INTS11: variants seen among roughly 807,000 people sequenced by gnomAD.
INTS11 encodes integrator complex subunit 11, also known as CPSF3-like protein.
Under a neutral mutation model 78.6 loss-of-function variants are expected in INTS11, and 77 were observed. That is an observed-to-expected ratio of 0.98 (90% CI 0.81 to 1.18). The LOEUF (loss-of-function observed/expected upper bound fraction) is 1.18. Among genes scored for constraint, INTS11 ranks in the 50% most tolerant of loss-of-function variants. The probability of loss-of-function intolerance (pLI) is 0.00; values close to 1 mark genes in which losing one functional copy is unlikely to be tolerated. For synonymous variants in INTS11, 441 were observed against 326.9 expected (o/e 1.35, Z -3.77); for missense variants, 875 against 825.9 (o/e 1.06, Z -0.73).
At chr1:1,324,452 G>A in intron 1 of INTS11, 129 bp downstream of exon 1, 1 of 937,704 alleles carries the variant, frequency 1.1e-6, no homozygotes, top group Non-Finnish European at 1.6e-6. Flanking sequence ...GGCCCGCGCG[G>A]GGAGGAGACC....
At position 1,314,232 on chromosome 1, in the gene INTS11, T is replaced by G; in HGVS notation, c.767+69A>C. On this transcript the variant is annotated intron_variant, in intron 8 of 16. Transcript: ENST00000435064. The surrounding 1 kb of genome is among the most constrained non-coding windows in gnomAD (Gnocchi z 4.2). The stretch of plus-strand genomic sequence containing the variant: ...ATGCCACCGCTACGCTGGACAGGGC[T>G]GCCCACCAACTGGACTGTGTTCAGG... 1 of 1,404,262 alleles carries G rather than the reference T, an allele frequency of 7.1e-7. No individual in the cohort carries two copies. The highest frequency in any genetic ancestry group is 2.0e-5 in the Admixed American group (1 of 50,934). The allele number at this position is 1,404,262 out of a possible 1,614,324, so 87.0% of individuals were successfully genotyped here.
rs750487487 is a variant in INTS11 at position 1,315,521 on chromosome 1, G to A, written c.527C>T (p.Thr176Met). 9.3e-6 allele frequency: 15 copies of A among 1,612,426 alleles called. No individual in the cohort carries two copies. Among genetic ancestry groups the A allele is most frequent in the South Asian group, 4.4e-5 (4 of 91,008 alleles). Residue 176 changes from threonine (T) to methionine (M), a missense_variant and splice_region_variant, in exon 5 of 17, where the codon ACG (threonine) becomes ATG (methionine). By Grantham distance (81) the Thr-to-Met change is moderately conservative. Transcript: ENST00000435064. ...IKVGSESVVY[T>M]GDYNMTPDRH... is the part of the protein sequence containing the mutation. ...CAAGCCTCAAGCCCTTCCACTGACCGTGTAGACCACAGACTCTGAGCCCAC... is the reference window on the plus strand; with the variant it reads ...CAAGCCTCAAGCCCTTCCACTGACCATGTAGACCACAGACTCTGAGCCCAC...
At position 1,312,374 on chromosome 1, in the gene INTS11, G is replaced by A. The variant is rs746469870; in HGVS notation, c.1465-6C>T. 1.3e-6 allele frequency: 2 copies of A among 1,567,276 alleles called. No individual in the cohort carries two copies. The highest frequency in any genetic ancestry group is 1.9e-5 in the Admixed American group (1 of 53,392). On this transcript the variant is annotated splice_region_variant and splice_polypyrimidine_tract_variant and intron_variant, in intron 14 of 16. Transcript: ENST00000435064. ...GAGGACACCAGCCGGAAGTTCTGTG[G>A]GGCAGGGACAGGTCAGTGAGCGCAG...
intron 2 of INTS11, 42 bp downstream of exon 2, chr1:1,320,953 GC>G (rs1159840079): frequency 6.5e-7 from 1 of 1,550,072 alleles, no homozygotes; most frequent in East Asian, 2.2e-5. Context: ...GCTGTGGATG[GC>G]CGGCTCTCCC....
intron 4 of INTS11, chr1:1,316,526 CAGTGAGCTGAGATTGT>C (rs1642619261): frequency 6.6e-6 from 1 of 152,158 alleles, no homozygotes; most frequent in Non-Finnish European, 1.5e-5. Context: ...GCGGAGATTG[CAGTGAGCTGAGATTGT>C]GCCATTGCAC....
chr1:1,313,840 G>A lies in INTS11; in HGVS notation c.849C>T (p.Ile283=). The change falls in exon 9 of 17, where the codon ATC becomes ATT. Residue 283 remains isoleucine (I), a synonymous_variant. Transcript: ENST00000435064. The part of the protein sequence containing the change: ...EKANHYYKLF[I]PWTNQKIRKT... ...TGCGGATCTTCTGGTTGGTCCAGGG[G>A]ATGAACAGCTTGTAGTAGTGGTTGG... The A allele has an allele frequency of 1.2e-6, 2 of 1,613,516 alleles. No individual in the cohort carries two copies. Among genetic ancestry groups the A allele is most frequent in the Non-Finnish European group, 1.7e-6 (2 of 1,179,984 alleles).
At chr1:1,313,242 A>AG in intron 10 of INTS11, 118 bp from the exon 11 acceptor site, 1 of 1,213,028 alleles carries the variant, frequency 8.2e-7, no homozygotes, top group Admixed American at 2.0e-5. Flanking sequence ...GCGGCGCCCG[A>AG]CCAAGCCTAG....
At chr1:1,312,198 T>TTTGGGG in intron 15 of INTS11, 28 bp downstream of exon 15, 4 of 1,078,594 alleles carry the variant, frequency 3.7e-6, no homozygotes, top group Non-Finnish European at 5.0e-6. Flanking sequence ...CCCAAGGGAG[T>TTTGGGG]GGGGGGGGGG....
In INTS11 at chr1:1,312,290, C is replaced by T. The variant is rs747481892; in HGVS notation, c.1543G>A (p.Val515Met). The T allele has an allele frequency of 4.4e-5, 68 of 1,549,026 alleles. No individual in the cohort carries two copies. The highest frequency in any genetic ancestry group is 2.4e-4 in the East Asian group (10 of 41,232). Residue 515 changes from valine to methionine, a missense_variant, in exon 15 of 17, where the codon GTG (valine) becomes ATG (methionine). Transcript: ENST00000435064. ...AEHQLRFTCR[V>M]HLHDTRKEQE... ...TCCTTGCGTGTGTCATGCAGGTGCA[C>T]GCGGCAGGTGAAGCGCAGCTGGTGC...
rs1642459549 is a variant in INTS11 at position 1,314,576 on chromosome 1, C to T, written c.703-211G>A. ...GAGCCGCATGAGAGACAGAAGGGAG[C>T]TGCATGAGAGACAGAAGGAGCCTGG... On this transcript the variant is annotated intron_variant, in intron 7 of 16. Coordinates refer to ENST00000435064, the MANE Select transcript of INTS11 (RefSeq NM_017871.6). This position sits in a 1 kb window ranked among gnomAD's most constrained non-coding sequence, Gnocchi z 4.2. 3.2e-6 allele frequency: 2 copies of T among 629,778 alleles called. No homozygotes were observed. Among genetic ancestry groups the T allele is most frequent in the Non-Finnish European group, 5.5e-6 (2 of 365,100 alleles). The allele number at this position is 629,778 out of a possible 1,614,324, so 39.0% of individuals were successfully genotyped here.
chr1:1,312,569 C>T, intron 13 of INTS11, 24 bp downstream of exon 13: 1 of 1,578,392 alleles, frequency 6.3e-7, no homozygotes, highest in Non-Finnish European at 8.6e-7. Context: ...GAGCACCCTG[C>T]CCTGCCCTGC....
chr1:1,323,148 G>A (rs1185898416), intron 1 of INTS11: 10 of 1,549,150 alleles, frequency 6.5e-6, no homozygotes, highest in South Asian at 2.4e-5. Flanking sequence ...TGTCCACACC[G>A]GGGCGGGGGG....
chr1:1,318,954 C>A, intron 4 of INTS11: 1 of 717,316 alleles, frequency 1.4e-6, no homozygotes, highest in Admixed American at 2.0e-5. Flanking sequence ...GGCAACACCC[C>A]GGGAGCTCCA....
intron 10 of INTS11, 79 bp from the exon 11 acceptor site, chr1:1,313,203 G>T: frequency 6.8e-7 from 1 of 1,463,022 alleles, no homozygotes; most frequent in Non-Finnish European, 9.3e-7. Flanking sequence ...GCCCCCGCCT[G>T]AACCCCTGGA....
intron 9 of INTS11, 24 bp downstream of exon 9, chr1:1,313,708 G>A (rs757512247): frequency 2.5e-6 from 4 of 1,610,246 alleles, no homozygotes; most frequent in East Asian, 4.5e-5. Flanking sequence ...TGGATGTGCT[G>A]GCCGGCCCTG....
intron 4 of INTS11, 25 bp from the exon 5 acceptor site, chr1:1,315,643 G>T (rs1642533866): frequency 6.3e-7 from 1 of 1,582,056 alleles, no homozygotes; most frequent in Non-Finnish European, 8.6e-7. Flanking sequence ...GCTGCGCTCA[G>T]GCTGTGTCCT....
intron 4 of INTS11, 80 bp from the exon 5 acceptor site, chr1:1,315,698 G>A (rs575244392): frequency 3.7e-5 from 13 of 356,072 alleles, no homozygotes; most frequent in East Asian, 1.0e-4. Context: ...GACGGGAAGC[G>A]CGGGAGGCGG....
chr1:1,319,799 G>A (rs1032779485), intron 3 of INTS11: 2 of 452,736 alleles, frequency 4.4e-6, no homozygotes, highest in Non-Finnish European at 4.0e-6. Flanking sequence ...ACCGCGCATA[G>A]GGGAGCCGCT....
chr1:1,312,175 C>G, intron 15 of INTS11, 28 bp from the exon 16 acceptor site: 1 of 1,490,438 alleles, frequency 6.7e-7, no homozygotes, highest in East Asian at 2.4e-5. Flanking sequence ...GAGACCCTGC[C>G]TGGCCTCCAG....
Sources: gnomAD v4.1 joint callset for allele counts on GRCh38, gnomAD v4.1.1 for gene constraint, Gnocchi (gnomAD v3.1) non-coding constraint, MANE v1.5 for transcripts, NCBI Gene and HGNC (gene_info 2026-07-23, HGNC 2026-07-21) for gene names.